ATP10A: variants seen among roughly 807,000 people sequenced by gnomAD.
The protein encoded by ATP10A is phospholipid-transporting ATPase VA.
In ATP10A, 111 loss-of-function variants were observed where a neutral mutation model predicts 147.8. That is an observed-to-expected ratio of 0.75 (90% CI 0.64 to 0.88). The LOEUF is 0.88. Ranked by LOEUF, ATP10A falls within the 40% of genes least tolerant of loss-of-function variation. ATP10A has a pLI of 0.00. For missense variants in ATP10A, 1,927 were observed against 1,959.0 expected, an observed-to-expected ratio of 0.98 and a Z score of 0.31; for synonymous variants, 875 against 841.6, an observed-to-expected ratio of 1.04 and a Z score of -0.69.
chr15:25,732,612 G>C (rs1328757692), intron 3 of ATP10A, among the ~76,000 whole-genome samples: 2 of 40,638 alleles, frequency 4.9e-5, no homozygotes, highest in African/African-American at 1.5e-4. Flanking sequence ...CTGGAGTGCA[G>C]TGGTGTGATT....
rs386782226 is a variant in ATP10A, at chr15:25,821,406, AAAAAC to A, written c.450-40188_450-40184del. Among the ~76,000 whole-genome samples the A allele has an allele frequency of 7.3e-4, 88 of 120,134 alleles. 1 individual carries two copies. The highest frequency in any genetic ancestry group is 2.4e-4 in the Non-Finnish European group (14 of 58,430). The allele number at this position is 120,134 out of a possible 152,430, so 78.8% of individuals were successfully genotyped here. A position where few individuals can be genotyped will look rare whatever the true frequency, so the allele number is the denominator to read the frequency against. ...ACCCTGTCTCAAAAAAAACAAAAAA[AAAAAC>A]AAACAAAAAAAGCATATGGCTAGTG... On this transcript the variant is annotated intron_variant, in intron 1 of 20. Coordinates refer to ENST00000555815, the MANE Select transcript of ATP10A (RefSeq NM_024490.4).
chr15:25,694,111 G>C (rs1596696175), intron 14 of ATP10A, among the ~76,000 whole-genome samples: 1 of 152,206 alleles, frequency 6.6e-6, no homozygotes, highest in South Asian at 2.1e-4. Flanking sequence ...ACCTGTGCTA[G>C]AGACTCTGCC....
intron 1 of ATP10A, among the ~76,000 whole-genome samples, chr15:25,840,788 C>G (rs11161240): frequency 0.67 from 101,147 of 151,964 alleles, 34,859 homozygotes; most frequent in East Asian, 0.91. Context: ...GATCCCATTT[C>G]TCACACCCTC....
chr15:25,701,822 G>T, intron 13 of ATP10A, 94 bp downstream of exon 13: 1 of 1,254,228 alleles, frequency 8.0e-7, no homozygotes, highest in Non-Finnish European at 1.1e-6. Flanking sequence ...CCTTCTAACA[G>T]CAGCTGCCAG....
chr15:25,864,355 C>T (rs1893903448), upstream of ATP10A, among the ~76,000 whole-genome samples: 1 of 152,192 alleles, frequency 6.6e-6, no homozygotes, highest in Non-Finnish European at 1.5e-5. Flanking sequence ...AGATGAGAAG[C>T]AGTTATTTCT....
chr15:25,790,316 T>A (rs1400193529), intron 1 of ATP10A, among the ~76,000 whole-genome samples: 1 of 152,252 alleles, frequency 6.6e-6, no homozygotes, highest in East Asian at 1.9e-4. Flanking sequence ...AACTACTTTC[T>A]ATTCTGTATG....
chr15:25,703,219 G>A (rs984669520), intron 12 of ATP10A, among the ~76,000 whole-genome samples: 4 of 152,198 alleles, frequency 2.6e-5, no homozygotes, highest in African/African-American at 7.2e-5. Flanking sequence ...TTACCTGGGC[G>A]TGGTAGTGGG....
At position 25,687,837 on chromosome 15, in the gene ATP10A, G is replaced by A. The variant is rs1215189344; in HGVS notation, c.3166-9C>T. 1 of 1,613,700 alleles carries A rather than the reference G, an allele frequency of 6.2e-7. No homozygotes were observed. The highest frequency in any genetic ancestry group is 2.2e-5 in the East Asian group (1 of 44,814). ...TCGCTGGCCATCACTGCCTTCAAAG[G>A]GAGAGGGATTCCTGTTACTGGTGAT... On this transcript the variant is annotated splice_polypyrimidine_tract_variant and intron_variant, in intron 15 of 20. Transcript: ENST00000555815.
intron 2 of ATP10A, among the ~76,000 whole-genome samples, chr15:25,775,015 G>A (rs1889536229): frequency 6.6e-6 from 1 of 152,148 alleles, no homozygotes; most frequent in African/African-American, 2.4e-5. Flanking sequence ...AAGCCTCTTT[G>A]TAAAGGCTTA....
intron 13 of ATP10A, among the ~76,000 whole-genome samples, chr15:25,698,933 A>C (rs1900509305): frequency 6.6e-6 from 1 of 152,206 alleles, no homozygotes; most frequent in African/African-American, 2.4e-5. Context: ...AATGCTGATA[A>C]AAGAAATAAA....
At chr15:25,754,849 G>C (rs1285386562) in intron 2 of ATP10A, among the ~76,000 whole-genome samples, 1 of 152,116 alleles carries the variant, frequency 6.6e-6, no homozygotes, top group Non-Finnish European at 1.5e-5. Context: ...GTTTATTGAA[G>C]AAGTGCACTT....
intron 2 of ATP10A, among the ~76,000 whole-genome samples, chr15:25,752,731 T>A (rs1888219415): frequency 1.3e-5 from 2 of 152,242 alleles, no homozygotes; most frequent in Non-Finnish European, 2.9e-5. Flanking sequence ...TAGCGCATTG[T>A]ATCAGTAGAC....
At chr15:25,797,523 T>C (rs1392623585) in intron 1 of ATP10A, among the ~76,000 whole-genome samples, 1 of 152,210 alleles carries the variant, frequency 6.6e-6, no homozygotes, top group Non-Finnish European at 1.5e-5. Context: ...TTTTCCATTT[T>C]GTGCTAGGTT....
At chr15:25,705,882 G>A (rs2140358963) in intron 12 of ATP10A, among the ~76,000 whole-genome samples, 1 of 152,304 alleles carries the variant, frequency 6.6e-6, no homozygotes. Flanking sequence ...AGGCTCCAGT[G>A]CACGGCTGGC....
At chr15:25,714,963 TATACAC>T (rs1400124344) in intron 9 of ATP10A, among the ~76,000 whole-genome samples, 25 of 123,880 alleles carry the variant, frequency 2.0e-4, no homozygotes, top group African/African-American at 6.6e-4. Flanking sequence ...GAATGACACA[TATACAC>T]ACACACACAC....
At chr15:25,802,843 C>G (rs1346496125) in intron 1 of ATP10A, among the ~76,000 whole-genome samples, 2 of 151,774 alleles carry the variant, frequency 1.3e-5, no homozygotes, top group South Asian at 4.1e-4. Context: ...CTCCTGACTT[C>G]CCCTTTGCCC....
intron 12 of ATP10A, 135 bp from the exon 13 acceptor site, chr15:25,702,235 G>A: frequency 1.1e-6 from 1 of 884,812 alleles, no homozygotes; most frequent in South Asian, 1.8e-5. Context: ...CCTTGCCAGG[G>A]GCTGGGCTGC....
At chr15:25,794,343 T>TAATA (rs770281608) in intron 1 of ATP10A, among the ~76,000 whole-genome samples, 1 of 151,750 alleles carries the variant, frequency 6.6e-6, no homozygotes, top group East Asian at 1.9e-4. Context: ...GCAACCTCTT[T>TAATA]AATAAATAAA....
intron 2 of ATP10A, among the ~76,000 whole-genome samples, chr15:25,776,343 G>A (rs550945651): frequency 5.9e-5 from 9 of 152,298 alleles, no homozygotes; most frequent in Admixed American, 2.6e-4. Context: ...TGGGGGAGGG[G>A]AGGCACCTTG....
Sources: allele counts gnomAD v4.1 joint callset (sites outside exome capture counted in the v4.1 genomes callset), GRCh38; gene constraint gnomAD v4.1.1; transcripts MANE v1.5; gene names NCBI Gene and HGNC (gene_info 2026-07-23, HGNC 2026-07-21).